The following CA10 variants were observed in gnomAD, a reference collection of about 807,000 sequenced individuals.
CA10 encodes carbonic anhydrase 10 (inactive), also known as carbonic anhydrase-related protein 10.
A neutral mutation model predicts 44.2 loss-of-function variants in CA10; 14 were observed. The ratio of observed to expected loss-of-function variants is 0.32; its 90% confidence interval spans 0.21 to 0.50. The LOEUF (loss-of-function observed/expected upper bound fraction) is 0.50, where lower values mean the gene tolerates loss of function less well. Ranked by LOEUF, CA10 falls within the 20% of genes least tolerant of loss-of-function variation. CA10 has a pLI of 0.99. For synonymous variants in CA10, 159 were observed against 141.6 expected (o/e 1.12, Z -0.87); for missense variants, 350 against 409.7 (o/e 0.85, Z 1.26).
chr17:52,081,668 T>C (rs552606459), intron 1 of CA10, among the ~76,000 whole-genome samples: 17 of 151,584 alleles, frequency 1.1e-4, no homozygotes, highest in Admixed American at 2.0e-4. Flanking sequence ...GGCGTAGTGG[T>C]GGGCGCCTGT....
intron 4 of CA10, among the ~76,000 whole-genome samples, chr17:51,742,921 C>T (rs540527579): frequency 2.3e-4 from 35 of 152,342 alleles, no homozygotes; most frequent in African/African-American, 8.4e-4. Flanking sequence ...AGAGCTATTT[C>T]ATAATCCCCT....
chr17:51,940,674 A>T (rs1983042563), intron 2 of CA10, among the ~76,000 whole-genome samples: 1 of 121,700 alleles, frequency 8.2e-6, no homozygotes, highest in Admixed American at 9.7e-5. Context: ...CTTGTTCAAG[A>T]TAAACAAAAA....
intron 4 of CA10, among the ~76,000 whole-genome samples, chr17:51,725,145 T>C (rs4794299): frequency 0.65 from 99,068 of 152,238 alleles, 32,479 homozygotes; most frequent in Admixed American, 0.73. Flanking sequence ...CTGCTCCATG[T>C]AGATATCTCA....
At chr17:51,959,280 CTCTGTGTG>C (rs1167603307) in intron 2 of CA10, among the ~76,000 whole-genome samples, 13 of 66,470 alleles carry the variant, frequency 2.0e-4, no homozygotes, top group African/African-American at 5.7e-4. Context: ...CGCTCTCTCT[CTCTGTGTG>C]TGTGTGTGTG....
chr17:51,878,265 C>A (rs1310549135), intron 3 of CA10, among the ~76,000 whole-genome samples: 2 of 151,414 alleles, frequency 1.3e-5, no homozygotes, highest in African/African-American at 4.9e-5. Flanking sequence ...AAGATTTAAC[C>A]ACACTGAGGC....
intron 3 of CA10, among the ~76,000 whole-genome samples, chr17:51,821,993 T>C (rs181490337): frequency 2.6e-5 from 4 of 152,198 alleles, no homozygotes; most frequent in Non-Finnish European, 5.9e-5. Context: ...TTGGCCCTGA[T>C]GACTTCCAGC....
chr17:51,911,666 T>G (rs2143951752), intron 3 of CA10, among the ~76,000 whole-genome samples: 1 of 152,246 alleles, frequency 6.6e-6, no homozygotes, highest in East Asian at 1.9e-4. Flanking sequence ...GGAAGTCTAG[T>G]TGGTCTATAA....
Position 51,804,595 on chromosome 17 carries a change from C to A in CA10, c.280-56777G>T, listed in dbSNP as rs182716600. Among the ~76,000 whole-genome samples the A allele has an allele frequency of 1.4e-4, 21 of 152,312 alleles. 1 individual carries two copies. The East Asian group carries it at 3.7e-3, about 27-fold the overall frequency. Reference sequence around the variant, plus strand: ...TATTAATATAGACTCCCAGTCTTCACTAAGACTCTGCCTTAGTTTCCATTT... The same window carrying A: ...TATTAATATAGACTCCCAGTCTTCAATAAGACTCTGCCTTAGTTTCCATTT... On this transcript the variant is annotated intron_variant, in intron 3 of 8. Transcript: ENST00000451037.
intron 3 of CA10, among the ~76,000 whole-genome samples, chr17:51,916,394 C>T (rs998273635): frequency 2.0e-5 from 3 of 152,184 alleles, no homozygotes; most frequent in African/African-American, 7.2e-5. Flanking sequence ...ACCCAAATCT[C>T]ACCTGGAATT....
intron 2 of CA10, among the ~76,000 whole-genome samples, chr17:51,981,054 A>T (rs1984637302): frequency 6.6e-6 from 1 of 152,138 alleles, no homozygotes; most frequent in Non-Finnish European, 1.5e-5. Flanking sequence ...AAACAACTCC[A>T]ATACCCATAC....
chr17:51,878,757 A>G (rs1980201865), intron 3 of CA10, among the ~76,000 whole-genome samples: 1 of 147,464 alleles, frequency 6.8e-6, no homozygotes, highest in Non-Finnish European at 1.5e-5. Context: ...AATGTTTTTC[A>G]AGCTTATAAC....
At chr17:51,959,180 T>C (rs1983774874) in intron 2 of CA10, among the ~76,000 whole-genome samples, 1 of 151,490 alleles carries the variant, frequency 6.6e-6, no homozygotes, top group South Asian at 2.1e-4. Context: ...GCAGCAGCTA[T>C]GCATACACCT....
At chr17:51,981,483 G>A (rs1417815310) in intron 2 of CA10, among the ~76,000 whole-genome samples, 3 of 151,840 alleles carry the variant, frequency 2.0e-5, no homozygotes, top group Non-Finnish European at 4.4e-5. Flanking sequence ...ACTGACCTAT[G>A]GTGAAAGGAA....
chr17:51,855,854 G>A (rs1469046810), intron 3 of CA10, among the ~76,000 whole-genome samples: 4 of 152,180 alleles, frequency 2.6e-5, no homozygotes, highest in Non-Finnish European at 5.9e-5. Context: ...TGGCCACAAG[G>A]TATAGAGGAG....
chr17:52,041,219 A>G (rs1412362934), intron 2 of CA10, among the ~76,000 whole-genome samples: 3 of 152,128 alleles, frequency 2.0e-5, no homozygotes, highest in Admixed American at 6.6e-5. Context: ...AATATCTACC[A>G]TCAATTCAAA....
At chr17:51,984,572 G>A (rs1410076475) in intron 2 of CA10, among the ~76,000 whole-genome samples, 2 of 151,770 alleles carry the variant, frequency 1.3e-5, no homozygotes, top group East Asian at 1.9e-4. Context: ...GAAACAAAAA[G>A]CTGGTTCTTT....
At chr17:51,797,637 C>T (rs1169617993) in intron 3 of CA10, among the ~76,000 whole-genome samples, 3 of 152,022 alleles carry the variant, frequency 2.0e-5, no homozygotes, top group Non-Finnish European at 2.9e-5. Context: ...AGGCGGATCA[C>T]GAGGTCAGGA....
At position 51,725,836 on chromosome 17, in the gene CA10, T is replaced by G. The variant is rs557888543; in HGVS notation, c.465+21797A>C. ...ACTTGTGCATTCATTATTTATTGAG[T>G]GCCTACTCTATGCTGGACACTGTGT... On this transcript the variant is annotated intron_variant, in intron 4 of 8. Transcript: ENST00000451037. Among the ~76,000 whole-genome samples, 253 of 152,260 alleles carry G rather than the reference T, an allele frequency of 1.7e-3. 1 individual carries two copies. Among genetic ancestry groups the G allele is most frequent in the African/African-American group, 5.8e-3 (240 of 41,534 alleles).
intron 6 of CA10, among the ~76,000 whole-genome samples, chr17:51,648,069 T>C (rs1555579212): frequency 1.3e-5 from 2 of 152,208 alleles, no homozygotes; most frequent in Non-Finnish European, 2.9e-5. Context: ...GTGCCTGTCA[T>C]GGGGCAGGCA....
Sources: allele counts gnomAD v4.1 joint callset (sites outside exome capture counted in the v4.1 genomes callset), GRCh38; gene constraint gnomAD v4.1.1; transcripts MANE v1.5; gene names NCBI Gene and HGNC (gene_info 2026-07-23, HGNC 2026-07-21).